ZNF333: variants seen among roughly 807,000 people sequenced by gnomAD.
The protein encoded by ZNF333 is zinc finger protein 333.
ZNF333 carries 61 observed loss-of-function variants against 76.1 expected under a neutral mutation model. That is an observed-to-expected ratio of 0.80 (90% CI 0.65 to 0.99). The LOEUF is 0.99. Ranked by LOEUF, ZNF333 falls within the 50% of genes least tolerant of loss-of-function variation. The pLI is 0.00. For synonymous variants in ZNF333, 284 were observed against 305.0 expected, an observed-to-expected ratio of 0.93 and a Z score of 0.72; for missense variants, 717 against 822.4, an observed-to-expected ratio of 0.87 and a Z score of 1.57.
chr19:14,719,802 T>G lies in ZNF333; in HGVS notation c.*477T>G, dbSNP rs1015979350. 2 of 987,188 alleles carry G rather than the reference T, an allele frequency of 2.0e-6. No individual in the cohort carries two copies. Among genetic ancestry groups the G allele is most frequent in the African/African-American group, 3.5e-5 (2 of 57,374 alleles). 61.2% of individuals were successfully genotyped at this position (987,188 alleles called of 1,614,324 possible). On this transcript the variant is annotated 3_prime_UTR_variant, in exon 12 of 12. Transcript: ENST00000292530. ...TTGCTATTAGGTCTGGTGTGGCTTA[T>G]TCTTCTAGCTGCCAACCCAAATTAC...
At chr19:14,716,005 A>G in intron 8 of ZNF333, 107 bp from the exon 9 acceptor site, 1 of 1,547,320 alleles carries the variant, frequency 6.5e-7, no homozygotes, top group Non-Finnish European at 8.7e-7. Flanking sequence ...CCTGTCTGAA[A>G]GTCCTCTGCC....
intron 5 of ZNF333, among the ~76,000 whole-genome samples, chr19:14,703,725 AGT>A (rs553345761): frequency 1.1e-3 from 168 of 152,266 alleles, no homozygotes; most frequent in African/African-American, 3.7e-3. Context: ...GAATAATTTT[AGT>A]GGACCTTGGG....
chr19:14,708,495 G>A (rs62125496), intron 7 of ZNF333: 15,440 of 320,908 alleles, frequency 0.048, 386 homozygotes, highest in Middle Eastern at 0.11. Context: ...TCATCTCAGG[G>A]GACGGGAGAG....
intron 1 of ZNF333, among the ~76,000 whole-genome samples, chr19:14,690,910 T>G (rs1972718692): frequency 6.6e-6 from 1 of 152,136 alleles, no homozygotes. Context: ...CTGGCCAACA[T>G]GGTGAAACCC....
rs943578836 is a variant in ZNF333, at chr19:14,721,405, A to G, written c.*2080A>G. On this transcript the variant is annotated 3_prime_UTR_variant, in exon 12 of 12. Transcript: ENST00000292530. Reference sequence around the variant, plus strand: ...TATGTCTATACCCACCACGGTCTCCATCAAAATATTTTATCGTCCCAGAAA... The same window carrying G: ...TATGTCTATACCCACCACGGTCTCCGTCAAAATATTTTATCGTCCCAGAAA... 5 of 147,550 alleles carry G rather than the reference A, an allele frequency of 3.4e-5. No homozygotes were observed. Among genetic ancestry groups the G allele is most frequent in the South Asian group, 4.2e-4 (2 of 4,760 alleles). 9.1% of individuals were successfully genotyped at this position (147,550 alleles called of 1,614,324 possible).
Position 14,690,096 on chromosome 19 carries a change from GCGGCGCGGCGCGGTGCGGCA to G in ZNF333, c.-91_-72del, listed in dbSNP as rs1224485890. ...GCCGACGGCGGCTGAGCTGTGCTGC[GCGGCGCGGCGCGGTGCGGCA>G]CGGCACGGTGGGAGTGTCTCCGGCT... On this transcript the variant is annotated 5_prime_UTR_variant, in exon 1 of 12. Transcript: ENST00000292530. 1.3e-5 allele frequency: 2 copies of G among 151,588 alleles called. No homozygotes were observed. Among genetic ancestry groups the G allele is most frequent in the African/African-American group, 4.9e-5 (2 of 41,058 alleles). The allele number at this position is 151,588 out of a possible 1,614,324, so 9.4% of individuals were successfully genotyped here.
rs927361976 is a variant in ZNF333, at chr19:14,719,185, T to G, written c.1858T>G (p.Cys620Gly). ...ACACAGTGCCGGGAGACCCTATCAA[T>G]GTAATCAGTGTGAGAAAGCCTTCAG... ...RTHSAGRPYQ[C>G]NQCEKAFRHS... The change falls in exon 12 of 12, where the codon TGT becomes GGT. Residue 620 changes from cysteine to glycine, a missense_variant. Coordinates refer to ENST00000292530, the MANE Select transcript of ZNF333 (RefSeq NM_032433.4). The G allele has an allele frequency of 6.2e-7, 1 of 1,614,236 alleles. No individual in the cohort carries two copies. Among genetic ancestry groups the G allele is most frequent in the Non-Finnish European group, 8.5e-7 (1 of 1,180,040 alleles).
In ZNF333 at chr19:14,728,674, C is replaced by A. The variant is rs559071437; in HGVS notation, c.901-2501C>A. Among the ~76,000 whole-genome samples the A allele has an allele frequency of 3.0e-3, 454 of 152,296 alleles. 1 individual carries two copies. The highest frequency in any genetic ancestry group is 4.8e-3 in the Non-Finnish European group (325 of 68,024). On this transcript the variant is annotated intron_variant, in intron 11 of 11. Coordinates refer to the ZNF333 transcript ENST00000540689. The stretch of plus-strand genomic sequence containing the variant: ...GAAAGGATGAAGAAAATGGCAAAAA[C>A]TTCCATGTGAATCCCTTTACACCTT...
At chr19:14,716,062 G>A (rs755938748) in intron 8 of ZNF333, 50 bp from the exon 9 acceptor site, 23 of 1,609,608 alleles carry the variant, frequency 1.4e-5, no homozygotes, top group East Asian at 2.2e-5. Flanking sequence ...ATCCTCTGGC[G>A]TACTGGTGGG....
At chr19:14,725,703 C>T (rs766249998), downstream of ZNF333, among the ~76,000 whole-genome samples, 5 of 152,230 alleles carry the variant, frequency 3.3e-5, no homozygotes, top group African/African-American at 4.8e-5. Context: ...TCCAAAATCT[C>T]CTTTGACTCC....
At chr19:14,727,313 C>T (rs554471521) in intron 11 of ZNF333, among the ~76,000 whole-genome samples, 6 of 152,276 alleles carry the variant, frequency 3.9e-5, no homozygotes, top group Admixed American at 1.3e-4. Flanking sequence ...CAGGTGTGAG[C>T]CACCAAGCCC....
intron 11 of ZNF333, among the ~76,000 whole-genome samples, chr19:14,727,194 A>T (rs937797047): frequency 2.0e-5 from 3 of 151,736 alleles, no homozygotes; most frequent in Non-Finnish European, 1.5e-5. Context: ...CGCCTGGCTA[A>T]TTTTTTTGTA....
At chr19:14,716,710 T>A (rs2042440847) in intron 9 of ZNF333, among the ~76,000 whole-genome samples, 1 of 152,278 alleles carries the variant, frequency 6.6e-6, no homozygotes, top group South Asian at 2.1e-4. Flanking sequence ...AAGATCTTTT[T>A]ACTGCCCTGT....
chr19:14,723,162 A>T (rs1568564748), downstream of ZNF333, among the ~76,000 whole-genome samples: 1 of 152,182 alleles, frequency 6.6e-6, no homozygotes, highest in East Asian at 1.9e-4. Context: ...TTTTCCCAGC[A>T]CCATTTGTTG....
intron 11 of ZNF333, among the ~76,000 whole-genome samples, chr19:14,727,518 C>T (rs1363433996): frequency 6.6e-6 from 1 of 152,136 alleles, no homozygotes; most frequent in Non-Finnish European, 1.5e-5. Context: ...TTTTAAACAA[C>T]CTGATCTGGT....
rs201084788 is a variant in ZNF333, at chr19:14,718,228, G to C, written c.901G>C (p.Glu301Gln). 2.3e-5 allele frequency: 37 copies of C among 1,604,006 alleles called. No homozygotes were observed. Among genetic ancestry groups the C allele is most frequent in the Non-Finnish European group, 2.6e-5 (31 of 1,175,200 alleles). ...TCTTCACATTTTCCTTCATCGACAG[G>C]AGCAACCTCAGCCTGGAGAAAAACT... is the stretch of plus-strand genomic sequence containing the variant. ...TEILSIDVKG[E>Q]QPQPGEKLYK... The change falls in exon 12 of 12, where the codon GAG becomes CAG. Residue 301 changes from glutamate to glutamine, a missense_variant and splice_region_variant. Coordinates refer to ENST00000292530, the MANE Select transcript of ZNF333 (RefSeq NM_032433.4).
chr19:14,698,935 T>TATAC lies in ZNF333; in HGVS notation c.224-263_224-262insTACA, dbSNP rs1180611568. Among the ~76,000 whole-genome samples, 1,386 of 139,010 alleles carry TATAC rather than the reference T, an allele frequency of 1.0e-2. 37 individuals are homozygous for TATAC. Among genetic ancestry groups the TATAC allele is most frequent in the African/African-American group, 0.035 (1,275 of 35,940 alleles). The allele number at this position is 139,010 out of a possible 152,430, so 91.2% of individuals were successfully genotyped here. A position where few individuals can be genotyped will look rare whatever the true frequency, so the allele number is the denominator to read the frequency against. ...ATATATATATATATATATATATATA[T>TATAC]ACACACATATATATTTTCAATTTTA... is the stretch of plus-strand genomic sequence containing the variant. On this transcript the variant is annotated intron_variant, in intron 4 of 11. Transcript: ENST00000292530.
chr19:14,725,160 G>C (rs780435966), downstream of ZNF333, among the ~76,000 whole-genome samples: 13 of 152,140 alleles, frequency 8.5e-5, no homozygotes, highest in Non-Finnish European at 5.9e-5. Flanking sequence ...GGAGCGAGCA[G>C]GCAGGGGAGA....
intron 1 of ZNF333, among the ~76,000 whole-genome samples, chr19:14,690,472 A>C (rs1205988770): frequency 1.3e-5 from 2 of 152,204 alleles, no homozygotes; most frequent in African/African-American, 4.8e-5. Flanking sequence ...TTTTTAGGGA[A>C]AGTGCATAAA....
Sources: allele counts gnomAD v4.1 joint callset (sites outside exome capture counted in the v4.1 genomes callset), GRCh38; gene constraint gnomAD v4.1.1; transcripts MANE v1.5; gene names NCBI Gene and HGNC (gene_info 2026-07-23, HGNC 2026-07-21).